Variants in PNPLA1 observed in about 807,000 individuals in gnomAD.
PNPLA1 encodes the protein omega-hydroxyceramide transacylase.
In PNPLA1, 36 loss-of-function variants were observed where a neutral mutation model predicts 51.7. The observed-to-expected ratio is 0.70, with a 90% CI of 0.53 to 0.92. The LOEUF (loss-of-function observed/expected upper bound fraction) is 0.92. Ranked by LOEUF, PNPLA1 falls within the 40% of genes least tolerant of loss-of-function variation. The pLI is 0.00. For missense variants in PNPLA1, 658 were observed against 682.5 expected (o/e 0.96, Z 0.40); for synonymous variants, 293 against 280.1 (o/e 1.05, Z -0.46).
chr6:36,295,510 C>G (rs976600215), intron 5 of PNPLA1, 86 bp downstream of exon 5: 1 of 1,407,458 alleles, frequency 7.1e-7, no homozygotes, highest in Non-Finnish European at 1.0e-6. Context: ...GAGGGGTATT[C>G]CCCCCAGATT....
In PNPLA1 at chr6:36,270,604, T is replaced by C; in HGVS notation, c.145T>C (p.Phe49Leu). The stretch of plus-strand genomic sequence containing the variant: ...CCGGATGCTGGAAACAGCCCACCGC[T>C]TTGCGGGGACATCGGCAGGTGCTGT... ...APRMLETAHR[F>L]AGTSAGAVIA... Residue 49 changes from phenylalanine to leucine, a missense_variant, in exon 1 of 9, where the codon TTT becomes CTT. By Grantham distance (22) the Phe-to-Leu change is conservative. Coordinates refer to ENST00000636260, the MANE Select transcript of PNPLA1 (RefSeq NM_001374623.1). 6.4e-7 allele frequency: 1 copy of C among 1,551,614 alleles called. No homozygotes were observed. Among genetic ancestry groups the C allele is most frequent in the Non-Finnish European group, 8.7e-7 (1 of 1,146,986 alleles).
chr6:36,308,496 T>G (rs1488756228), intron 8 of PNPLA1: 8 of 152,210 alleles, frequency 5.3e-5, no homozygotes, highest in Non-Finnish European at 5.9e-5. Context: ...TTGACTATAT[T>G]ATGCTGTCTT....
chr6:36,304,797 C>G (rs952137114), intron 6 of PNPLA1, among the ~76,000 whole-genome samples: 1 of 152,156 alleles, frequency 6.6e-6, no homozygotes, highest in Non-Finnish European at 1.5e-5. Context: ...GCATTCCTCA[C>G]TCATATCGGG....
intron 5 of PNPLA1, among the ~76,000 whole-genome samples, chr6:36,295,818 G>A (rs559591336): frequency 6.7e-4 from 102 of 152,210 alleles, no homozygotes; most frequent in Non-Finnish European, 1.1e-3. Flanking sequence ...ATGTAGAATT[G>A]GATGTCACTA....
At chr6:36,288,723 G>A (rs953939792) in intron 1 of PNPLA1, among the ~76,000 whole-genome samples, 4 of 151,952 alleles carry the variant, frequency 2.6e-5, no homozygotes, top group Admixed American at 1.3e-4. Flanking sequence ...CTCCCAAAGT[G>A]CTGGGATTAC....
At chr6:36,270,877 C>G (rs577722717) in intron 1 of PNPLA1, among the ~76,000 whole-genome samples, 2 of 152,122 alleles carry the variant, frequency 1.3e-5, no homozygotes, top group African/African-American at 4.8e-5. Context: ...GCAGGGTGAG[C>G]CTGGACCCCT....
chr6:36,254,651 C>T (rs140903938), intron 1 of PNPLA1, among the ~76,000 whole-genome samples: 465 of 152,050 alleles, frequency 3.1e-3, no homozygotes, highest in African/African-American at 0.01. Flanking sequence ...TTTAAAAGTC[C>T]TTGCAGGCTG....
chr6:36,292,682 C>CATAG (rs1438597841), intron 2 of PNPLA1, among the ~76,000 whole-genome samples: 19 of 152,224 alleles, frequency 1.2e-4, no homozygotes, highest in African/African-American at 4.6e-4. Flanking sequence ...CACTCCCTCT[C>CATAG]ATAGGGCACT....
rs747327512 is a variant in PNPLA1 at position 36,304,968 on chromosome 6, A to G, written c.1385-1324A>G. Among the ~76,000 whole-genome samples, 37 of 152,288 alleles carry G rather than the reference A, an allele frequency of 2.4e-4. No homozygotes were observed. In the East Asian group the frequency reaches 2.5e-3, roughly 10 times the overall value. On this transcript the variant is annotated intron_variant, in intron 6 of 8. Transcript: ENST00000636260. Reference sequence around the variant, plus strand: ...GTAGTGCACAGAAGTCTCTGCACAAAGTGCTTTCTGACCGTTAGTGTCAAT... The same window carrying G: ...GTAGTGCACAGAAGTCTCTGCACAAGGTGCTTTCTGACCGTTAGTGTCAAT...
chr6:36,269,449 G>A (rs779350081), upstream of PNPLA1, among the ~76,000 whole-genome samples: 5 of 152,042 alleles, frequency 3.3e-5, no homozygotes, highest in African/African-American at 4.8e-5. Context: ...TGACCCCGAC[G>A]TCCCCACAGG....
At chr6:36,295,225 G>A (rs1770820760) in intron 4 of PNPLA1, 139 bp from the exon 5 acceptor site, 2 of 794,068 alleles carry the variant, frequency 2.5e-6, no homozygotes, top group Non-Finnish European at 4.3e-6. Context: ...AGTGAGGGAT[G>A]GGACACTGGA....
chr6:36,261,845 C>T (rs1312380405), intron 1 of PNPLA1, among the ~76,000 whole-genome samples: 8 of 152,220 alleles, frequency 5.3e-5, no homozygotes, highest in Admixed American at 1.3e-4. Context: ...CCATACTGTA[C>T]CGCCCTAAGA....
intron 1 of PNPLA1, among the ~76,000 whole-genome samples, chr6:36,262,076 G>T (rs899837529): frequency 3.3e-5 from 5 of 152,176 alleles, no homozygotes; most frequent in Non-Finnish European, 5.9e-5. Context: ...TGGGGAGGGG[G>T]TGCAGAGGTT....
chr6:36,303,531 C>T (rs866683214), intron 6 of PNPLA1, among the ~76,000 whole-genome samples: 8 of 152,282 alleles, frequency 5.3e-5, no homozygotes, highest in Middle Eastern at 6.8e-3. Context: ...GGGATACTAA[C>T]CTCAAAAATA....
intron 1 of PNPLA1, among the ~76,000 whole-genome samples, chr6:36,277,123 G>A (rs551498375): frequency 6.6e-6 from 1 of 152,266 alleles, no homozygotes; most frequent in South Asian, 2.1e-4. Context: ...ATGACAACAC[G>A]ACAAAGCCAC....
chr6:36,262,377 C>T (rs757805714), intron 1 of PNPLA1, among the ~76,000 whole-genome samples: 11 of 152,188 alleles, frequency 7.2e-5, no homozygotes, highest in Non-Finnish European at 1.5e-4. Flanking sequence ...AACCTCCTGC[C>T]CCATTTCTAA....
At chr6:36,244,458 TA>T (rs1769220490) in intron 1 of PNPLA1, among the ~76,000 whole-genome samples, 1 of 152,106 alleles carries the variant, frequency 6.6e-6, no homozygotes, top group Non-Finnish European at 1.5e-5. Context: ...TGTCAGTTCA[TA>T]AAAAGCCTTT....
chr6:36,270,323 A>T lies in PNPLA1; in HGVS notation c.-137A>T. 1.2e-6 allele frequency: 1 copy of T among 859,108 alleles called. No homozygotes were observed. The highest frequency in any genetic ancestry group is 1.8e-6 in the Non-Finnish European group (1 of 541,024). 53.2% of individuals were successfully genotyped at this position (859,108 alleles called of 1,614,324 possible). A position where few individuals can be genotyped will look rare whatever the true frequency, so the allele number is the denominator to read the frequency against. ...CAGCCTGTGGTTGCTCCAGCCGGGT[A>T]GAGACAGCCACATTCCAAGCTCCGG... On this transcript the variant is annotated 5_prime_UTR_variant, in exon 1 of 9. Coordinates refer to ENST00000636260, the MANE Select transcript of PNPLA1 (RefSeq NM_001374623.1).
chr6:36,298,496 C>G (rs1770927846), intron 5 of PNPLA1, among the ~76,000 whole-genome samples: 2 of 152,202 alleles, frequency 1.3e-5, no homozygotes, highest in Non-Finnish European at 2.9e-5. Context: ...TGTTGTGCAG[C>G]AGATCTCTAG....
Sources: allele counts gnomAD v4.1 joint callset (sites outside exome capture counted in the v4.1 genomes callset), GRCh38; gene constraint gnomAD v4.1.1; transcripts MANE v1.5; gene names NCBI Gene and HGNC (gene_info 2026-07-23, HGNC 2026-07-21).